Variants in CLPTM1L observed in about 807,000 individuals in gnomAD.
The protein encoded by CLPTM1L is lipid scramblase CLPTM1L.
In CLPTM1L, 38 loss-of-function variants were observed where a neutral mutation model predicts 70.9. The ratio of observed to expected loss-of-function variants is 0.54; its 90% CI spans 0.41 to 0.70. The LOEUF is 0.70. Among genes scored for constraint, CLPTM1L ranks in the 30% least tolerant of loss-of-function variants. The pLI, the probability that CLPTM1L is intolerant of heterozygous loss-of-function variation, is 0.00. For synonymous variants in CLPTM1L, 339 were observed against 299.9 expected, an observed-to-expected ratio of 1.13 and a Z score of -1.35; for missense variants, 652 against 705.9, an observed-to-expected ratio of 0.92 and a Z score of 0.87.
intron 12 of CLPTM1L, among the ~76,000 whole-genome samples, chr5:1,323,437 A>G (rs376028807): frequency 6.8e-4 from 87 of 127,564 alleles, no homozygotes; most frequent in African/African-American, 2.4e-3. Context: ...CTCAGGGCCA[A>G]CACCCCACCC....
intron 2 of CLPTM1L, 110 bp from the exon 3 acceptor site, chr5:1,341,970 T>C (rs1222787159): frequency 1.1e-6 from 1 of 881,578 alleles, no homozygotes; most frequent in Non-Finnish European, 1.7e-6. Flanking sequence ...AGCTCAGAAG[T>C]ACTAAAAATG....
At chr5:1,329,328 C>T (rs1337464756) in intron 9 of CLPTM1L, among the ~76,000 whole-genome samples, 1 of 152,300 alleles carries the variant, frequency 6.6e-6, no homozygotes, top group East Asian at 1.9e-4. Flanking sequence ...GCACGAGCCT[C>T]TCAAGGCCCC....
At chr5:1,326,763 A>AC (rs2111209611) in intron 9 of CLPTM1L, among the ~76,000 whole-genome samples, 3 of 150,766 alleles carry the variant, frequency 2.0e-5, no homozygotes, top group South Asian at 2.1e-4. Flanking sequence ...CTACAGGGAC[A>AC]ATCCATCCAG....
chr5:1,341,595 C>T, intron 3 of CLPTM1L, 76 bp downstream of exon 3: 2 of 1,318,962 alleles, frequency 1.5e-6, no homozygotes, highest in South Asian at 1.5e-5. Flanking sequence ...AGACATCGCC[C>T]ACCTGTGTGG....
chr5:1,338,254 A>G, intron 4 of CLPTM1L: 1 of 529,580 alleles, frequency 1.9e-6, no homozygotes, highest in Non-Finnish European at 3.4e-6. Flanking sequence ...AATTACAGGG[A>G]CACGGCCGTA....
chr5:1,342,039 T>TGTGTGTGTGTGTGCGCGCGCGC lies in CLPTM1L; in HGVS notation c.264-180_264-179insGCGCGCGCGCACACACACACAC, dbSNP rs3222913. The stretch of plus-strand genomic sequence containing the variant: ...GTGTGTGTGTGTGTGTGTGTGTGTG[T>TGTGTGTGTGTGTGCGCGCGCGC]GCACGCGCACGCGTGCGCGTCCTGA... On this transcript the variant is annotated intron_variant, in intron 2 of 16. Coordinates refer to ENST00000320895, the MANE Select transcript of CLPTM1L (RefSeq NM_030782.5). This position sits in a 1 kb window ranked among gnomAD's most constrained non-coding sequence, Gnocchi z 4.3. Among the ~76,000 whole-genome samples the TGTGTGTGTGTGTGCGCGCGCGC allele has an allele frequency of 1.3e-5, 2 of 148,976 alleles. No homozygotes were observed. The highest frequency in any genetic ancestry group is 5.0e-5 in the African/African-American group (2 of 39,664).
chr5:1,325,949 C>T, intron 9 of CLPTM1L, 133 bp from the exon 10 acceptor site: 1 of 724,708 alleles, frequency 1.4e-6, no homozygotes, highest in Non-Finnish European at 2.4e-6. Flanking sequence ...TCCTGTCCCT[C>T]CCACAGCTCA....
intron 16 of CLPTM1L, among the ~76,000 whole-genome samples, chr5:1,319,807 C>T (rs781086355): frequency 6.6e-6 from 1 of 152,236 alleles, no homozygotes; most frequent in African/African-American, 2.4e-5. Flanking sequence ...GTGACACACA[C>T]TCCTTCGACC....
intron 15 of CLPTM1L, among the ~76,000 whole-genome samples, 198 bp downstream of exon 15, chr5:1,321,437 C>G (rs937190367): frequency 6.6e-6 from 1 of 152,174 alleles, no homozygotes; most frequent in Non-Finnish European, 1.5e-5. Flanking sequence ...AGAACCACCC[C>G]AGTCTTTCAG....
In CLPTM1L at chr5:1,334,249, C is replaced by T. The variant is rs749817347; in HGVS notation, c.891+40G>A. On this transcript the variant is annotated intron_variant, in intron 7 of 16. Coordinates refer to ENST00000320895, the MANE Select transcript of CLPTM1L (RefSeq NM_030782.5). ...CAGGAGGCCCGGGGCCCAGGGAGCC[C>T]CCCAAGTGCCTGCGGCAAGCCCCCC... 15 of 1,521,086 alleles carry T rather than the reference C, an allele frequency of 9.9e-6. No homozygotes were observed. In the East Asian group the frequency reaches 3.2e-4, roughly 32 times the overall value. The allele number at this position is 1,521,086 out of a possible 1,614,324, so 94.2% of individuals were successfully genotyped here.
intron 7 of CLPTM1L, 151 bp downstream of exon 7, chr5:1,334,138 G>A: frequency 3.5e-6 from 2 of 568,210 alleles, no homozygotes; most frequent in Admixed American, 3.4e-5. Context: ...CTGGTGTCAG[G>A]CGTGCTGGCT....
intron 5 of CLPTM1L, 128 bp downstream of exon 5, chr5:1,337,776 A>G (rs1479475079): frequency 2.6e-6 from 2 of 777,432 alleles, no homozygotes; most frequent in South Asian, 1.6e-5. Flanking sequence ...AGTGCTTCCC[A>G]GCACGGGTAA....
intron 4 of CLPTM1L, 152 bp downstream of exon 4, chr5:1,338,708 A>C (rs1753740683): frequency 1.2e-6 from 1 of 808,662 alleles, no homozygotes. Flanking sequence ...CACAACCTCA[A>C]TGAGGAAGTG....
chr5:1,321,560 T>A, intron 15 of CLPTM1L, 75 bp downstream of exon 15: 1 of 1,304,404 alleles, frequency 7.7e-7, no homozygotes, highest in Non-Finnish European at 1.1e-6. Flanking sequence ...GCCCCAGTAA[T>A]GCTGTTGGCT....
chr5:1,344,773 G>A lies in CLPTM1L; in HGVS notation c.69C>T (p.Thr23=). ...AGACGATGCCGTACATGACCCAGCA[G>A]GTGTGCACCACGTAGACCACGAACA... is the stretch of plus-strand genomic sequence containing the variant. ...VGVFVVYVVH[T]CWVMYGIVYT... is the part of the protein sequence containing the mutation. The change falls in exon 1 of 17, where the codon ACC becomes ACT. Residue 23 remains threonine (T), a synonymous_variant. Coordinates refer to ENST00000320895, the MANE Select transcript of CLPTM1L (RefSeq NM_030782.5). 6.2e-7 allele frequency: 1 copy of A among 1,606,100 alleles called. No individual in the cohort carries two copies. The highest frequency in any genetic ancestry group is 8.5e-7 in the Non-Finnish European group (1 of 1,177,168).
At chr5:1,327,340 C>T (rs1199631814) in intron 9 of CLPTM1L, among the ~76,000 whole-genome samples, 2 of 140,618 alleles carry the variant, frequency 1.4e-5, no homozygotes, top group Admixed American at 1.4e-4. Flanking sequence ...CCTCTACAGA[C>T]ACATTCCATC....
At chr5:1,328,682 TCATCCAGCTCCTCCTCTATAGACACATTC>T (rs1752824587) in intron 9 of CLPTM1L, among the ~76,000 whole-genome samples, 18 of 146,216 alleles carry the variant, frequency 1.2e-4, no homozygotes, top group South Asian at 2.2e-4. Context: ...CAGACACATT[TCATCCAGCTCCTCCTCTATAGACACATTC>T]CATCCAGCTC....
chr5:1,338,122 G>A (rs1224145276), intron 4 of CLPTM1L, 140 bp from the exon 5 acceptor site: 3 of 691,986 alleles, frequency 4.3e-6, no homozygotes, highest in Non-Finnish European at 7.8e-6. Context: ...AATGACCCCA[G>A]GGCACAGCCT....
intron 10 of CLPTM1L, chr5:1,325,473 C>T (rs1014243646): frequency 5.9e-5 from 30 of 506,994 alleles, no homozygotes; most frequent in Admixed American, 3.3e-4. Context: ...ACGAAGCACA[C>T]GTGCTGGCCA....
Sources: gnomAD v4.1 joint callset for allele counts (sites outside exome capture counted in the v4.1 genomes callset) on GRCh38, gnomAD v4.1.1 for gene constraint, Gnocchi (gnomAD v3.1) non-coding constraint, MANE v1.5 for transcripts, NCBI Gene and HGNC (gene_info 2026-07-23, HGNC 2026-07-21) for gene names.